The following GRHL2 variants were observed in gnomAD, a reference collection of about 807,000 sequenced individuals.
The protein encoded by GRHL2 is grainyhead-like protein 2 homolog.
GRHL2 carries 21 observed loss-of-function variants against 83.8 expected under a neutral mutation model. The ratio of observed to expected loss-of-function variants is 0.25; its 90% confidence interval spans 0.18 to 0.36. The LOEUF (loss-of-function observed/expected upper bound fraction) is 0.36. Among genes scored for constraint, GRHL2 ranks in the 10% least tolerant of loss-of-function variants. The probability of loss-of-function intolerance (pLI) is 1.00; values close to 1 mark genes in which losing one functional copy is unlikely to be tolerated. For missense variants in GRHL2, 623 were observed against 781.8 expected, an observed-to-expected ratio of 0.80 and a Z score of 2.42; for synonymous variants, 280 against 278.9, an observed-to-expected ratio of 1.00 and a Z score of -0.04.
At position 101,543,289 on chromosome 8, in the gene GRHL2, C is replaced by T. The variant is rs778497540; in HGVS notation, c.69C>T (p.Phe23=). 1 of 1,613,950 alleles carries T rather than the reference C, an allele frequency of 6.2e-7. No homozygotes were observed. Among genetic ancestry groups the T allele is most frequent in the South Asian group, 1.1e-5 (1 of 91,076 alleles). The change falls in exon 2 of 16, where the codon TTC becomes TTT. Residue 23 remains phenylalanine (F), a synonymous_variant. Transcript: ENST00000646743. ...ALVPMPSDPP[F]NTRRAYTSED... Reference sequence around the variant, plus strand: ...TGCCCATGCCCAGTGACCCTCCATTCAATACCCGAAGAGCCTACACCAGTG... The same window carrying T: ...TGCCCATGCCCAGTGACCCTCCATTTAATACCCGAAGAGCCTACACCAGTG...
intron 1 of GRHL2, among the ~76,000 whole-genome samples, chr8:101,524,986 A>T (rs1481825002): frequency 6.6e-6 from 1 of 151,764 alleles, no homozygotes; most frequent in African/African-American, 2.4e-5. Flanking sequence ...CTTGTTGCCC[A>T]GGCTGGAGTG....
chr8:101,596,711 CAG>C (rs1242773662), intron 7 of GRHL2, among the ~76,000 whole-genome samples: 1 of 152,136 alleles, frequency 6.6e-6, no homozygotes, highest in Non-Finnish European at 1.5e-5. Context: ...GAAAGGTAGG[CAG>C]AGAGAAAGAT....
intron 14 of GRHL2, among the ~76,000 whole-genome samples, chr8:101,653,153 C>G (rs1435762445): frequency 6.6e-6 from 1 of 152,082 alleles, no homozygotes; most frequent in Non-Finnish European, 1.5e-5. Flanking sequence ...GTCCAAAGCC[C>G]CACATTAAAC....
intron 1 of GRHL2, among the ~76,000 whole-genome samples, chr8:101,525,890 C>G (rs1810793569): frequency 6.6e-6 from 1 of 152,132 alleles, no homozygotes; most frequent in Non-Finnish European, 1.5e-5. Flanking sequence ...TGGCTTGAAC[C>G]CAGGAGGTGG....
At chr8:101,618,980 A>G (rs76249664) in intron 8 of GRHL2, among the ~76,000 whole-genome samples, 1,864 of 152,226 alleles carry the variant, frequency 0.012, 62 homozygotes, top group South Asian at 0.1. Context: ...TTGGCCAGGC[A>G]CGGTGGCTCA....
intron 1 of GRHL2, among the ~76,000 whole-genome samples, chr8:101,510,887 G>C (rs1332874269): frequency 6.6e-6 from 1 of 152,098 alleles, no homozygotes. Flanking sequence ...TTGAGGCCAG[G>C]AGTTTGAGGC....
At chr8:101,633,553 T>C (rs1386807393) in intron 11 of GRHL2, among the ~76,000 whole-genome samples, 9 of 152,238 alleles carry the variant, frequency 5.9e-5, no homozygotes. Flanking sequence ...CACGGCTTTT[T>C]TGTTGTTATT....
intron 8 of GRHL2, among the ~76,000 whole-genome samples, chr8:101,606,476 G>C (rs1812637053): frequency 6.6e-6 from 1 of 152,210 alleles, no homozygotes; most frequent in South Asian, 2.1e-4. Flanking sequence ...AAACAGGGAT[G>C]TGCTAAGATG....
At chr8:101,586,410 G>A (rs899892914) in intron 7 of GRHL2, among the ~76,000 whole-genome samples, 1 of 151,876 alleles carries the variant, frequency 6.6e-6, no homozygotes, top group Non-Finnish European at 1.5e-5. Flanking sequence ...GGTTCTCCTT[G>A]CCTAGAATGG....
At chr8:101,575,905 T>A (rs1811923849) in intron 6 of GRHL2, among the ~76,000 whole-genome samples, 1 of 152,164 alleles carries the variant, frequency 6.6e-6, no homozygotes, top group Admixed American at 6.5e-5. Flanking sequence ...CCTCTGAAGA[T>A]CTCACTGCTT....
chr8:101,648,719 A>G (rs748620002), intron 13 of GRHL2, among the ~76,000 whole-genome samples: 1 of 151,924 alleles, frequency 6.6e-6, no homozygotes, highest in Non-Finnish European at 1.5e-5. Context: ...GGCCTGTGCA[A>G]GTTTGTTATC....
Position 101,558,761 on chromosome 8 carries a change from C to T in GRHL2, c.627C>T (p.Arg209=), listed in dbSNP as rs571202199. 2.0e-5 allele frequency: 33 copies of T among 1,614,034 alleles called. No homozygotes were observed. The South Asian group carries it at 2.6e-4, about 13-fold the overall frequency. ...THSAYLKDDQ[R]STPDSTYSES... The stretch of plus-strand genomic sequence containing the variant: ...GCGCCTATCTCAAAGACGACCAGCG[C>T]AGCACTCCGGACAGCACATACAGCG... The change falls in exon 4 of 16, where the codon CGC becomes CGT. Residue 209 remains arginine (R), a synonymous_variant. Transcript: ENST00000646743.
At chr8:101,538,096 C>T (rs188808398) in intron 1 of GRHL2, among the ~76,000 whole-genome samples, 2 of 152,282 alleles carry the variant, frequency 1.3e-5, no homozygotes, top group African/African-American at 4.8e-5. Flanking sequence ...GTGACGGGCA[C>T]TGTCCTAGTT....
chr8:101,557,660 CTT>C (rs1811516190), intron 3 of GRHL2, among the ~76,000 whole-genome samples: 1 of 152,148 alleles, frequency 6.6e-6, no homozygotes, highest in African/African-American at 2.4e-5. Context: ...ATTTTTATGA[CTT>C]TTAAGTCTCT....
intron 1 of GRHL2, among the ~76,000 whole-genome samples, chr8:101,541,116 A>G (rs1207021546): frequency 6.8e-6 from 1 of 146,796 alleles, no homozygotes; most frequent in Non-Finnish European, 1.5e-5. Context: ...ACCTCCTTTC[A>G]TTCTTTTTTA....
intron 1 of GRHL2, among the ~76,000 whole-genome samples, chr8:101,524,684 G>T (rs532358857): frequency 1.0e-3 from 158 of 152,132 alleles, no homozygotes; most frequent in African/African-American, 3.8e-3. Flanking sequence ...TGTGGTCAGA[G>T]AATTTGGTTT....
At chr8:101,649,193 G>A (rs1813572109) in intron 13 of GRHL2, among the ~76,000 whole-genome samples, 2 of 152,154 alleles carry the variant, frequency 1.3e-5, no homozygotes, top group African/African-American at 4.8e-5. Context: ...CCGGGTTGTC[G>A]GTTTATCTCA....
intron 12 of GRHL2, among the ~76,000 whole-genome samples, chr8:101,643,714 G>T (rs763267658): frequency 2.0e-5 from 3 of 152,256 alleles, no homozygotes; most frequent in Non-Finnish European, 2.9e-5. Context: ...CCCCAAGGGG[G>T]CTGGCAAAAG....
chr8:101,561,930 T>C (rs746513882), intron 4 of GRHL2: 7 of 543,072 alleles, frequency 1.3e-5, no homozygotes, highest in Non-Finnish European at 2.0e-5. Flanking sequence ...TAAAAAATAA[T>C]AATTTAGCAG....
Sources: allele counts gnomAD v4.1 joint callset (sites outside exome capture counted in the v4.1 genomes callset), GRCh38; gene constraint gnomAD v4.1.1; transcripts MANE v1.5; gene names NCBI Gene and HGNC (gene_info 2026-07-23, HGNC 2026-07-21).